TMPRSS15: variants seen among roughly 807,000 people sequenced by gnomAD.
TMPRSS15 encodes the protein transmembrane serine protease 15, also known as enteropeptidase.
TMPRSS15 carries 128 observed loss-of-function variants against 125.3 expected under a neutral mutation model. That is an observed-to-expected ratio of 1.02 (90% CI 0.89 to 1.18). The LOEUF is 1.18. Among genes scored for constraint, TMPRSS15 ranks in the 50% most tolerant of loss-of-function variants. TMPRSS15 has a pLI of 0.00. For missense variants in TMPRSS15, 1,283 were observed against 1,212.7 expected (o/e 1.06, Z -0.86); for synonymous variants, 446 against 423.2 (o/e 1.05, Z -0.66).
rs544225803 is a variant in TMPRSS15 at position 18,357,522 on chromosome 21, T to A, written c.880+2235A>T. Among the ~76,000 whole-genome samples, 22 of 151,980 alleles carry A rather than the reference T, an allele frequency of 1.4e-4. 1 individual carries two copies. The South Asian group carries it at 3.5e-3, about 24-fold the overall frequency. ...AATCCCACTTACCCTAAGTAAAAAA[T>A]TTATATATTTCCAATATTGTACAAA... On this transcript the variant is annotated intron_variant, in intron 8 of 24. Transcript: ENST00000284885.
At position 18,309,627 on chromosome 21, in the gene TMPRSS15, C is replaced by T. The variant is rs140437546; in HGVS notation, c.2165+3318G>A. On this transcript the variant is annotated intron_variant, in intron 18 of 24. Transcript: ENST00000284885. ...TCAAAAAGTGGGTGAAGGATGCGAACAGACAATTCTCAAAAGAAGACATTT... is the reference window on the plus strand; with the variant it reads ...TCAAAAAGTGGGTGAAGGATGCGAATAGACAATTCTCAAAAGAAGACATTT... Among the ~76,000 whole-genome samples the T allele has an allele frequency of 4.1e-3, 618 of 152,110 alleles. 6 individuals carry two copies. The highest frequency in any genetic ancestry group is 0.014 in the African/African-American group (584 of 41,500).
rs543929534 is a variant in TMPRSS15, at chr21:18,294,805, G to A, written c.2262-153C>T. Among the ~76,000 whole-genome samples, 4 of 152,232 alleles carry A rather than the reference G, an allele frequency of 2.6e-5. No individual in the cohort carries two copies. The South Asian group carries it at 6.2e-4, about 24-fold the overall frequency. ...GGAGACTGAATTGTAAGCCGAAGAA[G>A]CCCCAGTTTAATGTCAAATAGAGGT... is the stretch of plus-strand genomic sequence containing the variant. On this transcript the variant is annotated intron_variant, in intron 19 of 24. Transcript: ENST00000284885.
intron 3 of TMPRSS15, among the ~76,000 whole-genome samples, chr21:18,387,612 T>TACACACACACACACACACAC (rs57708622): frequency 1.4e-5 from 2 of 145,146 alleles, no homozygotes; most frequent in South Asian, 2.2e-4. Flanking sequence ...CACACACACA[T>TACACACACACACACACACAC]ACACACACAC....
intron 10 of TMPRSS15, among the ~76,000 whole-genome samples, chr21:18,346,700 A>G (rs1459251389): frequency 2.6e-5 from 4 of 152,206 alleles, no homozygotes; most frequent in Admixed American, 1.3e-4. Context: ...ATCCCAACGC[A>G]TGGAACTATT....
At position 18,321,133 on chromosome 21, in the gene TMPRSS15, A is replaced by G. The variant is rs2075230042; in HGVS notation, c.1921+5299T>C. Among the ~76,000 whole-genome samples the G allele has an allele frequency of 3.9e-5, 6 of 152,282 alleles. No individual in the cohort carries two copies. In the South Asian group the frequency reaches 1.2e-3, roughly 32 times the overall value. On this transcript the variant is annotated intron_variant, in intron 16 of 24. Transcript: ENST00000284885. Reference sequence around the variant, plus strand: ...ATCGTTAAGACTCTGAGTATCAGAAAAGAGGAATAAGGGGACATTTATAGG... The same window carrying G: ...ATCGTTAAGACTCTGAGTATCAGAAGAGAGGAATAAGGGGACATTTATAGG...
intron 3 of TMPRSS15, among the ~76,000 whole-genome samples, chr21:18,384,067 T>C (rs2075919682): frequency 6.6e-6 from 1 of 152,212 alleles, no homozygotes; most frequent in Non-Finnish European, 1.5e-5. Flanking sequence ...GGCCAGGATG[T>C]TCCTGAGACC....
chr21:18,317,153 T>C (rs2146945120), intron 16 of TMPRSS15, among the ~76,000 whole-genome samples: 1 of 152,242 alleles, frequency 6.6e-6, no homozygotes, highest in East Asian at 1.9e-4. Context: ...TATAAAAATA[T>C]CCATGGAGAC....
At chr21:18,288,953 G>T (rs2074800901) in intron 21 of TMPRSS15, among the ~76,000 whole-genome samples, 1 of 151,786 alleles carries the variant, frequency 6.6e-6, no homozygotes, top group Non-Finnish European at 1.5e-5. Flanking sequence ...AATAAGACTA[G>T]GTAGATAAAC....
intron 1 of TMPRSS15, among the ~76,000 whole-genome samples, chr21:18,467,028 G>C (rs1238126541): frequency 6.6e-6 from 1 of 152,162 alleles, no homozygotes; most frequent in Non-Finnish European, 1.5e-5. Context: ...ATCAATGATA[G>C]ACTGGATAAA....
chr21:18,305,934 A>G (rs1236082593), intron 18 of TMPRSS15, among the ~76,000 whole-genome samples: 1 of 152,196 alleles, frequency 6.6e-6, no homozygotes, highest in Non-Finnish European at 1.5e-5. Flanking sequence ...ATTAAACCAA[A>G]TTAAAATAAG....
At chr21:18,345,311 T>C (rs1005861268) in intron 10 of TMPRSS15, among the ~76,000 whole-genome samples, 11 of 152,204 alleles carry the variant, frequency 7.2e-5, no homozygotes, top group Non-Finnish European at 1.3e-4. Flanking sequence ...TCTAATTATA[T>C]GACTGCATGG....
chr21:18,354,675 T>C (rs1284613798), intron 8 of TMPRSS15, among the ~76,000 whole-genome samples: 3 of 151,626 alleles, frequency 2.0e-5, no homozygotes, highest in Admixed American at 1.3e-4. Flanking sequence ...CAGAATATAG[T>C]GCATATGAAA....
intron 8 of TMPRSS15, among the ~76,000 whole-genome samples, chr21:18,357,245 CTT>C (rs2075634276): frequency 6.6e-6 from 1 of 151,812 alleles, no homozygotes; most frequent in Admixed American, 6.6e-5. Flanking sequence ...AAAGAAAACA[CTT>C]TTGAAATAAC....
chr21:18,409,388 A>G (rs1383085792), intron 1 of TMPRSS15, among the ~76,000 whole-genome samples: 1 of 152,024 alleles, frequency 6.6e-6, no homozygotes, highest in Non-Finnish European at 1.5e-5. Flanking sequence ...TCCTTTATTA[A>G]AGCTTCAAAT....
chr21:18,335,142 C>G (rs1218895076), intron 13 of TMPRSS15, among the ~76,000 whole-genome samples: 1 of 152,152 alleles, frequency 6.6e-6, no homozygotes, highest in Non-Finnish European at 1.5e-5. Context: ...CTATGAAATA[C>G]TTCTTTTAAA....
chr21:18,437,086 T>G (rs2076229603), intron 1 of TMPRSS15, among the ~76,000 whole-genome samples: 1 of 149,096 alleles, frequency 6.7e-6, no homozygotes, highest in Non-Finnish European at 1.5e-5. Flanking sequence ...ACTACAAGGC[T>G]ACAGTAACCA....
At chr21:18,342,957 G>A (rs1335808161) in intron 12 of TMPRSS15, among the ~76,000 whole-genome samples, 2 of 152,144 alleles carry the variant, frequency 1.3e-5, no homozygotes, top group African/African-American at 4.8e-5. Context: ...AGACCCTCAG[G>A]AAGAGAACAC....
At chr21:18,445,917 T>C (rs905248272) in intron 1 of TMPRSS15, among the ~76,000 whole-genome samples, 1 of 152,172 alleles carries the variant, frequency 6.6e-6, no homozygotes, top group South Asian at 2.1e-4. Context: ...ATGCCCACTT[T>C]CTCCACTTGT....
chr21:18,418,164 C>T (rs896192216), intron 1 of TMPRSS15, among the ~76,000 whole-genome samples: 4 of 152,170 alleles, frequency 2.6e-5, no homozygotes, highest in African/African-American at 7.2e-5. Context: ...CAGGCTCTCT[C>T]CTATGGTTTC....
Sources: gnomAD v4.1 joint callset for allele counts (sites outside exome capture counted in the v4.1 genomes callset) on GRCh38, gnomAD v4.1.1 for gene constraint, MANE v1.5 for transcripts, NCBI Gene and HGNC (gene_info 2026-07-23, HGNC 2026-07-21) for gene names.